The following MAP7 variants were observed in gnomAD, a reference collection of about 807,000 sequenced individuals.
MAP7 encodes ensconsin.
MAP7 carries 52 observed loss-of-function variants against 94.8 expected under a neutral mutation model. The ratio of observed to expected loss-of-function variants is 0.55; its 90% confidence interval spans 0.44 to 0.69. The LOEUF is 0.69. Among genes scored for constraint, MAP7 ranks in the 30% least tolerant of loss-of-function variants. MAP7 has a pLI of 0.00. For synonymous variants in MAP7, 350 were observed against 357.0 expected (o/e 0.98, Z 0.22); for missense variants, 940 against 964.6 (o/e 0.97, Z 0.34).
In MAP7 at chr6:136,528,905, T is replaced by C. The variant is rs142392927; in HGVS notation, c.67+21437A>G. Among the ~76,000 whole-genome samples the C allele has an allele frequency of 9.0e-3, 1,354 of 150,524 alleles. 10 individuals carry two copies. Among genetic ancestry groups the C allele is most frequent in the Non-Finnish European group, 0.013 (871 of 67,994 alleles). On this transcript the variant is annotated intron_variant, in intron 1 of 17. Coordinates refer to ENST00000354570, the MANE Select transcript of MAP7 (RefSeq NM_003980.6). ...ACTTAAGACATAAATTCATTTGAGA[T>C]TAGTTTCTTAAATGTTCACACCCAA...
At chr6:136,360,873 T>C in intron 12 of MAP7, 75 bp from the exon 13 acceptor site, 1 of 1,574,334 alleles carries the variant, frequency 6.4e-7, no homozygotes, top group South Asian at 1.1e-5. Context: ...TGCCCAGAGG[T>C]GGGGGCGAGG....
chr6:136,388,761 G>A (rs148370661), intron 4 of MAP7, among the ~76,000 whole-genome samples: 444 of 152,306 alleles, frequency 2.9e-3, no homozygotes, highest in African/African-American at 9.0e-3. Context: ...CTACTAGGGT[G>A]TGCGTGATGC....
At chr6:136,505,188 C>A (rs140371840) in intron 1 of MAP7, among the ~76,000 whole-genome samples, 2,039 of 148,640 alleles carry the variant, frequency 0.014, 43 homozygotes, top group African/African-American at 0.048. Context: ...GTTCGCAAGC[C>A]ATAAAATAGT....
chr6:136,474,257 GT>G (rs1256236714), intron 1 of MAP7, among the ~76,000 whole-genome samples: 1 of 152,174 alleles, frequency 6.6e-6, no homozygotes, highest in African/African-American at 2.4e-5. Flanking sequence ...CCTTTGGCAG[GT>G]AAAAAGCTTT....
intron 1 of MAP7, among the ~76,000 whole-genome samples, chr6:136,547,980 A>C (rs1829860389): frequency 6.6e-6 from 1 of 152,142 alleles, no homozygotes; most frequent in African/African-American, 2.4e-5. Context: ...TCTACCTCAT[A>C]ATAATGAGTT....
rs112403943 is a variant in MAP7 at position 136,346,078 on chromosome 6, T to C, written c.2017A>G (p.Thr673Ala). The C allele has an allele frequency of 1.3e-6, 2 of 1,583,984 alleles. No individual in the cohort carries two copies. Among genetic ancestry groups the C allele is most frequent in the Non-Finnish European group, 1.7e-6 (2 of 1,158,698 alleles). ...SHQSKVTVES[T>A]PDLEKQPNEN... The stretch of plus-strand genomic sequence containing the variant: ...TTTGGTTGTTTTTCCAAATCGGGAG[T>C]GCTAAGGAATTTGAAAAATAAAAAT... The change falls in exon 17 of 18, where the codon ACT (threonine) becomes GCT (alanine). Residue 673 changes from threonine to alanine, a missense_variant and splice_region_variant. Transcript: ENST00000354570.
chr6:136,360,323 T>G (rs1792212516), intron 13 of MAP7, among the ~76,000 whole-genome samples: 1 of 152,208 alleles, frequency 6.6e-6, no homozygotes, highest in Non-Finnish European at 1.5e-5. Context: ...TTTTTACATT[T>G]TTAGTAAAGA....
rs908313901 is a variant in MAP7 at position 136,484,108 on chromosome 6, T to C, written c.68-62309A>G. 2.6e-5 allele frequency among the ~76,000 whole-genome samples: 4 copies of C among 152,318 alleles called. No individual in the cohort carries two copies. The South Asian group carries it at 8.3e-4, about 32-fold the overall frequency. On this transcript the variant is annotated intron_variant, in intron 1 of 17. Coordinates refer to ENST00000354570, the MANE Select transcript of MAP7 (RefSeq NM_003980.6). ...ATCAGTTGACTTGAGATTCTTATTC[T>C]TGGCTCACGCGAAGCCCTGAAATAT... is the stretch of plus-strand genomic sequence containing the variant.
chr6:136,488,593 C>T (rs943452594), intron 1 of MAP7, among the ~76,000 whole-genome samples: 3 of 151,716 alleles, frequency 2.0e-5, no homozygotes, highest in Non-Finnish European at 2.9e-5. Flanking sequence ...TACAGGCACC[C>T]GCCACCACGC....
intron 1 of MAP7, among the ~76,000 whole-genome samples, chr6:136,512,395 T>C (rs897692415): frequency 2.2e-4 from 34 of 152,224 alleles, no homozygotes; most frequent in African/African-American, 8.0e-4. Flanking sequence ...TACCAAAGTT[T>C]CTAAGACTAT....
Position 136,372,572 on chromosome 6 carries a change from T to C in MAP7, c.805A>G (p.Met269Val). The change falls in exon 8 of 18, where the codon ATG becomes GTG. Residue 269 changes from methionine (M) to valine (V), a missense_variant. By Grantham distance (21) the Met-to-Val change is conservative (BLOSUM62 1). Coordinates refer to ENST00000354570, the MANE Select transcript of MAP7 (RefSeq NM_003980.6). ...PYKAAHSRNS[M>V]DRPKLFVTPP... ...GTTACAAAGAGTTTTGGTCGATCCATCGAATTTCTAGAGTGTGCAGCTTTG... is the reference window on the plus strand; with the variant it reads ...GTTACAAAGAGTTTTGGTCGATCCACCGAATTTCTAGAGTGTGCAGCTTTG... The C allele has an allele frequency of 1.9e-6, 3 of 1,614,172 alleles. No individual in the cohort carries two copies. Among genetic ancestry groups the C allele is most frequent in the Non-Finnish European group, 2.5e-6 (3 of 1,180,040 alleles).
At chr6:136,484,700 T>C (rs981776070) in intron 1 of MAP7, among the ~76,000 whole-genome samples, 2 of 152,174 alleles carry the variant, frequency 1.3e-5, no homozygotes, top group Non-Finnish European at 2.9e-5. Flanking sequence ...ATCAAAAATA[T>C]CATAATTTTT....
chr6:136,372,211 T>C (rs375348584), intron 8 of MAP7, among the ~76,000 whole-genome samples: 1 of 152,234 alleles, frequency 6.6e-6, no homozygotes, highest in African/African-American at 2.4e-5. Flanking sequence ...ATTGTACTTA[T>C]GTGTATGGAC....
At chr6:136,360,294 C>T (rs375357340) in intron 13 of MAP7, among the ~76,000 whole-genome samples, 117 of 152,124 alleles carry the variant, frequency 7.7e-4, no homozygotes, top group Non-Finnish European at 1.2e-3. Flanking sequence ...TACAGGCGCC[C>T]GCCACCACGC....
intron 1 of MAP7, among the ~76,000 whole-genome samples, chr6:136,521,345 C>G (rs34598015): frequency 5.9e-4 from 90 of 152,146 alleles, no homozygotes; most frequent in Non-Finnish European, 1.2e-3. Flanking sequence ...CATAGTGGCA[C>G]GCTATGGAGG....
intron 6 of MAP7, among the ~76,000 whole-genome samples, chr6:136,378,777 G>A (rs2128625764): frequency 6.6e-6 from 1 of 152,318 alleles, no homozygotes; most frequent in East Asian, 1.9e-4. Context: ...GATGGCTCAT[G>A]AAAAGATAGA....
intron 1 of MAP7, among the ~76,000 whole-genome samples, chr6:136,464,050 C>T (rs938698897): frequency 1.3e-5 from 2 of 152,182 alleles, no homozygotes; most frequent in African/African-American, 4.8e-5. Flanking sequence ...TTGGCCTCAC[C>T]CAGGCTTCAG....
intron 1 of MAP7, among the ~76,000 whole-genome samples, chr6:136,499,704 A>G (rs1307139745): frequency 6.6e-6 from 1 of 152,102 alleles, no homozygotes; most frequent in African/African-American, 2.4e-5. Flanking sequence ...TACAGTTTTA[A>G]AAAACCCTGA....
At chr6:136,530,934 C>A (rs1385972305) in intron 1 of MAP7, among the ~76,000 whole-genome samples, 1 of 144,822 alleles carries the variant, frequency 6.9e-6, no homozygotes, top group East Asian at 2.0e-4. Flanking sequence ...ATGGTGCCTA[C>A]AGAGTCCATT....
Sources: allele counts gnomAD v4.1 joint callset (sites outside exome capture counted in the v4.1 genomes callset), GRCh38; gene constraint gnomAD v4.1.1; transcripts MANE v1.5; gene names NCBI Gene and HGNC (gene_info 2026-07-23, HGNC 2026-07-21).